SPOCK1: variants seen among roughly 807,000 people sequenced by gnomAD.
The protein encoded by SPOCK1 is SPARC (osteonectin), cwcv and kazal like domains proteoglycan 1.
A neutral mutation model predicts 55.3 loss-of-function variants in SPOCK1; 23 were observed. That is an observed-to-expected ratio of 0.42 (90% CI 0.30 to 0.59). The LOEUF is 0.59. SPOCK1 is among the 20% of genes least tolerant of loss of function. The probability of loss-of-function intolerance (pLI) is 0.22; values close to 1 mark genes in which losing one functional copy is unlikely to be tolerated. For missense variants in SPOCK1, 499 were observed against 552.5 expected (o/e 0.90, Z 0.97); for synonymous variants, 226 against 221.0 (o/e 1.02, Z -0.20).
At chr5:137,410,671 A>G (rs1170192984) in intron 2 of SPOCK1, among the ~76,000 whole-genome samples, 2 of 152,274 alleles carry the variant, frequency 1.3e-5, no homozygotes, top group Non-Finnish European at 2.9e-5. Context: ...TGCCTATGGC[A>G]TATCACAAAG....
intron 2 of SPOCK1, among the ~76,000 whole-genome samples, chr5:137,406,303 A>G (rs1752097863): frequency 6.6e-6 from 1 of 152,170 alleles, no homozygotes; most frequent in East Asian, 1.9e-4. Flanking sequence ...GAAGGAAGAG[A>G]TTAATTCTAG....
intron 2 of SPOCK1, among the ~76,000 whole-genome samples, chr5:137,460,262 C>A (rs1463234031): frequency 6.6e-6 from 1 of 152,178 alleles, no homozygotes; most frequent in African/African-American, 2.4e-5. Context: ...CTGGCTTCTA[C>A]ATCTGCAAGG....
intron 6 of SPOCK1, among the ~76,000 whole-genome samples, chr5:137,036,104 T>A (rs1751879637): frequency 6.6e-6 from 1 of 152,190 alleles, no homozygotes; most frequent in Admixed American, 6.5e-5. Context: ...AAAAAAGGAC[T>A]AAGCAACACT....
At chr5:137,192,252 A>AG (rs1337006440) in intron 3 of SPOCK1, among the ~76,000 whole-genome samples, 2 of 151,170 alleles carry the variant, frequency 1.3e-5, no homozygotes, top group East Asian at 1.9e-4. Context: ...AAAAAAAAAA[A>AG]AAAGAAAAGG....
chr5:137,080,099 T>C (rs1752856886), intron 5 of SPOCK1, among the ~76,000 whole-genome samples: 2 of 152,248 alleles, frequency 1.3e-5, no homozygotes, highest in Admixed American at 6.5e-5. Context: ...TTAATATAAC[T>C]AATCATGAAC....
chr5:137,290,265 A>T, intron 2 of SPOCK1, among the ~76,000 whole-genome samples: 1 of 151,430 alleles, frequency 6.6e-6, no homozygotes, highest in Non-Finnish European at 1.5e-5. Flanking sequence ...TTTTACACAT[A>T]AAAAAAAATT....
intron 3 of SPOCK1, among the ~76,000 whole-genome samples, chr5:137,264,662 C>G (rs1756810706): frequency 6.6e-6 from 1 of 152,198 alleles, no homozygotes; most frequent in Non-Finnish European, 1.5e-5. Context: ...AATGACTCCT[C>G]TCTTTGGCTG....
Position 137,249,221 on chromosome 5 carries a change from T to C in SPOCK1, c.232+17789A>G, listed in dbSNP as rs1756460861. Among the ~76,000 whole-genome samples the C allele has an allele frequency of 2.0e-5, 3 of 152,356 alleles. No individual in the cohort carries two copies. In the South Asian group the frequency reaches 6.2e-4, roughly 32 times the overall value. On this transcript the variant is annotated intron_variant, in intron 3 of 10. Transcript: ENST00000394945. ...AAACATTAATTATCAAAAATGCACA[T>C]TTCCTTTGATGTAGTGGTTTCACTT...
At chr5:137,396,901 T>C (rs1386266776) in intron 2 of SPOCK1, among the ~76,000 whole-genome samples, 2 of 152,148 alleles carry the variant, frequency 1.3e-5, no homozygotes, top group African/African-American at 2.4e-5. Context: ...CCTTAAAAAA[T>C]ATAACACTAA....
intron 5 of SPOCK1, 107 bp downstream of exon 5, chr5:137,112,328 G>A: frequency 2.1e-6 from 3 of 1,415,762 alleles, no homozygotes; most frequent in Non-Finnish European, 2.9e-6. Context: ...TCAAGGGCAA[G>A]GCCTGGAGCC....
rs527374908 is a variant in SPOCK1, at chr5:137,397,397, T to C, written c.186+100976A>G. 3.9e-5 allele frequency among the ~76,000 whole-genome samples: 6 copies of C among 152,360 alleles called. No individual in the cohort carries two copies. The East Asian group carries it at 9.6e-4, about 24-fold the overall frequency. The stretch of plus-strand genomic sequence containing the variant: ...TACATGTGATCGTAGTTTTTATTTC[T>C]ATCAAACAGAGCTTTCCAGCTTTAC... On this transcript the variant is annotated intron_variant, in intron 2 of 10. Transcript: ENST00000394945.
intron 3 of SPOCK1, among the ~76,000 whole-genome samples, chr5:137,178,432 G>A (rs913387997): frequency 2.0e-5 from 3 of 152,222 alleles, no homozygotes; most frequent in Non-Finnish European, 2.9e-5. Context: ...GGTAGGCACC[G>A]GGCATGCGAT....
intron 6 of SPOCK1, among the ~76,000 whole-genome samples, chr5:137,033,292 C>A (rs893114138): frequency 6.6e-6 from 1 of 152,232 alleles, no homozygotes; most frequent in Non-Finnish European, 1.5e-5. Flanking sequence ...TCAGTAAGGG[C>A]TGAACTCCAC....
intron 6 of SPOCK1, among the ~76,000 whole-genome samples, chr5:137,000,477 A>G (rs1394916814): frequency 6.6e-6 from 1 of 152,154 alleles, no homozygotes; most frequent in Non-Finnish European, 1.5e-5. Flanking sequence ...TCTGTCTCCC[A>G]GTACAGCATG....
chr5:137,192,533 G>C (rs778553293), intron 3 of SPOCK1, among the ~76,000 whole-genome samples: 1 of 152,216 alleles, frequency 6.6e-6, no homozygotes, highest in Admixed American at 6.5e-5. Context: ...GCATCTGCCT[G>C]TGTGGGCTGT....
intron 2 of SPOCK1, among the ~76,000 whole-genome samples, chr5:137,432,140 T>C (rs1044620920): frequency 6.6e-6 from 1 of 152,142 alleles, no homozygotes; most frequent in African/African-American, 2.4e-5. Flanking sequence ...ATGGAAAAAT[T>C]GTGCACCACT....
chr5:137,163,709 A>C (rs1476180917), intron 3 of SPOCK1, among the ~76,000 whole-genome samples: 2 of 152,182 alleles, frequency 1.3e-5, no homozygotes, highest in East Asian at 3.8e-4. Flanking sequence ...TCAGCCTTCA[A>C]GGCCTATTCT....
At chr5:137,419,844 T>C (rs560323600) in intron 2 of SPOCK1, among the ~76,000 whole-genome samples, 5 of 152,312 alleles carry the variant, frequency 3.3e-5, no homozygotes, top group African/African-American at 1.2e-4. Context: ...CTATGTTGAA[T>C]AGGAGTGGTG....
At chr5:137,031,245 A>G (rs1483488089) in intron 6 of SPOCK1, among the ~76,000 whole-genome samples, 1 of 152,140 alleles carries the variant, frequency 6.6e-6, no homozygotes, top group Non-Finnish European at 1.5e-5. Flanking sequence ...ACCACCTCAC[A>G]CCCAGGTCCC....
Sources: allele counts gnomAD v4.1 joint callset (sites outside exome capture counted in the v4.1 genomes callset), GRCh38; gene constraint gnomAD v4.1.1; transcripts MANE v1.5; gene names NCBI Gene and HGNC (gene_info 2026-07-23, HGNC 2026-07-21).